Variants in RAD51B observed in about 807,000 individuals in gnomAD.
RAD51B encodes the protein DNA repair protein RAD51 homolog 2.
RAD51B carries 38 observed loss-of-function variants against 42.2 expected under a neutral mutation model. That is an observed-to-expected ratio of 0.90 (90% CI 0.70 to 1.18). RAD51B has a LOEUF of 1.18. Ranked by LOEUF, RAD51B falls within the 50% of genes most tolerant of loss-of-function variation. The pLI, the probability that RAD51B is intolerant of heterozygous loss-of-function variation, is 0.00. For synonymous variants in RAD51B, 154 were observed against 145.2 expected (o/e 1.06, Z -0.43); for missense variants, 373 against 400.7 (o/e 0.93, Z 0.59).
At chr14:68,415,560 G>T in intron 9 of RAD51B, among the ~76,000 whole-genome samples, 1 of 152,202 alleles carries the variant, frequency 6.6e-6, no homozygotes, top group Non-Finnish European at 1.5e-5. Flanking sequence ...CGGACTTGCA[G>T]TAAGAGCACA....
chr14:68,145,758 G>A (rs2078234804), intron 7 of RAD51B, among the ~76,000 whole-genome samples: 1 of 152,150 alleles, frequency 6.6e-6, no homozygotes. Flanking sequence ...GTACTTAGCT[G>A]CAGTGCATCT....
intron 10 of RAD51B, among the ~76,000 whole-genome samples, chr14:68,522,351 A>C (rs899134353): frequency 2.0e-5 from 3 of 152,126 alleles, no homozygotes; most frequent in African/African-American, 7.2e-5. Flanking sequence ...GAAAAATGCT[A>C]CCTGAATTTC....
intron 10 of RAD51B, among the ~76,000 whole-genome samples, chr14:68,571,588 C>T (rs546936063): frequency 6.6e-6 from 1 of 152,288 alleles, no homozygotes; most frequent in East Asian, 1.9e-4. Context: ...TTTTAGGACC[C>T]TTGTGATTAC....
At chr14:68,646,555 T>G (rs1892567862) in intron 10 of RAD51B, among the ~76,000 whole-genome samples, 1 of 152,220 alleles carries the variant, frequency 6.6e-6, no homozygotes, top group Non-Finnish European at 1.5e-5. Context: ...TTTGCCAAAG[T>G]AAAGGCATTT....
intron 10 of RAD51B, among the ~76,000 whole-genome samples, chr14:68,648,120 TATATACACAC>T (rs1566963590): frequency 7.9e-4 from 64 of 81,386 alleles, no homozygotes; most frequent in East Asian, 2.2e-3. Context: ...CACGTATATA[TATATACACAC>T]ACGTATATAT....
intron 5 of RAD51B, among the ~76,000 whole-genome samples, chr14:67,869,033 C>A (rs964694668): frequency 8.5e-5 from 13 of 152,358 alleles, no homozygotes; most frequent in South Asian, 4.1e-4. Flanking sequence ...GAGCGACTTT[C>A]CTCCTCCAAA....
At chr14:68,075,689 A>G in intron 7 of RAD51B, among the ~76,000 whole-genome samples, 1 of 151,476 alleles carries the variant, frequency 6.6e-6, no homozygotes, top group East Asian at 1.9e-4. Context: ...ATACAGAGCC[A>G]TTGCCAGTGG....
At chr14:68,255,594 A>G (rs1190894327) in intron 7 of RAD51B, among the ~76,000 whole-genome samples, 5 of 152,248 alleles carry the variant, frequency 3.3e-5, no homozygotes, top group East Asian at 3.8e-4. Flanking sequence ...GTTCGAAAGT[A>G]TATATATTCA....
intron 7 of RAD51B, among the ~76,000 whole-genome samples, chr14:68,279,944 C>G (rs1215954709): frequency 6.6e-6 from 1 of 152,196 alleles, no homozygotes; most frequent in African/African-American, 2.4e-5. Context: ...TTCCAGATCC[C>G]AGTGTTGTTT....
intron 7 of RAD51B, among the ~76,000 whole-genome samples, chr14:68,191,986 A>G (rs1446837967): frequency 6.6e-6 from 1 of 152,138 alleles, no homozygotes; most frequent in Non-Finnish European, 1.5e-5. Context: ...ATTCACCTTT[A>G]TACCATCCAA....
At chr14:68,242,227 T>C (rs1409135066) in intron 7 of RAD51B, among the ~76,000 whole-genome samples, 1 of 152,210 alleles carries the variant, frequency 6.6e-6, no homozygotes, top group Non-Finnish European at 1.5e-5. Flanking sequence ...TCCATCCTGT[T>C]TGCCCAGAAT....
At chr14:68,554,692 CT>C (rs1380286494) in intron 10 of RAD51B, among the ~76,000 whole-genome samples, 1 of 152,064 alleles carries the variant, frequency 6.6e-6, no homozygotes, top group Admixed American at 6.5e-5. Context: ...TTTCTTGTTT[CT>C]TTTTGTTTTC....
chr14:68,626,770 C>T (rs1892092549), intron 10 of RAD51B, among the ~76,000 whole-genome samples: 2 of 152,174 alleles, frequency 1.3e-5, no homozygotes, highest in Admixed American at 1.3e-4. Context: ...TTGCTCCTAG[C>T]ATATTCTGTT....
chr14:68,663,430 G>A (rs1892974459), intron 11 of RAD51B, among the ~76,000 whole-genome samples: 1 of 152,164 alleles, frequency 6.6e-6, no homozygotes, highest in South Asian at 2.1e-4. Context: ...CTGTATCTAA[G>A]GCCATAGCCC....
chr14:68,116,387 A>G (rs1387069772), intron 7 of RAD51B, among the ~76,000 whole-genome samples: 1 of 151,910 alleles, frequency 6.6e-6, no homozygotes, highest in Non-Finnish European at 1.5e-5. Context: ...CAAGTTGGTA[A>G]TGGTTTCAGA....
chr14:68,450,753 AT>A (rs2085540090), intron 9 of RAD51B, among the ~76,000 whole-genome samples: 1 of 152,244 alleles, frequency 6.6e-6, no homozygotes, highest in East Asian at 1.9e-4. Flanking sequence ...ACATAAAGCC[AT>A]ATTCATAGTG....
intron 10 of RAD51B, among the ~76,000 whole-genome samples, chr14:68,589,511 G>A (rs530514863): frequency 3.3e-5 from 5 of 152,304 alleles, no homozygotes; most frequent in South Asian, 2.1e-4. Context: ...ACCTGGGAAC[G>A]TCTCTTCCTC....
chr14:68,030,068 G>A (rs1199327190), intron 7 of RAD51B, among the ~76,000 whole-genome samples: 1 of 152,236 alleles, frequency 6.6e-6, no homozygotes, highest in Admixed American at 6.5e-5. Context: ...TGTAACCAGA[G>A]GTGCTGTGAT....
chr14:67,864,961 CTTTTTTTTTTTTTTTTTTTTTTT>C lies in RAD51B; in HGVS notation c.316-25_316-3del, dbSNP rs745505141. On this transcript the variant is annotated intron_variant, in intron 4 of 10. Transcript: ENST00000471583. ...TGGCTTGTGATGTTTATCTAAAAAA[CTTTTTTTTTTTTTTTTTTTTTTT>C]TTTTTTTTTTTTTTTTAGATTACAG... 205 of 645,002 alleles carry C rather than the reference CTTTTTTTTTTTTTTTTTTTTTTT, an allele frequency of 3.2e-4. 3 individuals are homozygous for C. The highest frequency in any genetic ancestry group is 1.1e-3 in the Middle Eastern group (2 of 1,870). 40.0% of individuals were successfully genotyped at this position (645,002 alleles called of 1,614,324 possible). A position where few individuals can be genotyped will look rare whatever the true frequency, so the allele number is the denominator to read the frequency against.
Sources: allele counts gnomAD v4.1 joint callset (sites outside exome capture counted in the v4.1 genomes callset), GRCh38; gene constraint gnomAD v4.1.1; transcripts MANE v1.5; gene names NCBI Gene and HGNC (gene_info 2026-07-23, HGNC 2026-07-21).